The following SNAP25 variants were observed in gnomAD, a reference collection of about 807,000 sequenced individuals.
The protein encoded by SNAP25 is synaptosomal-associated protein 25.
A neutral mutation model predicts 28.7 loss-of-function variants in SNAP25; 3 were observed. The ratio of observed to expected loss-of-function variants is 0.10; its 90% confidence interval spans 0.05 to 0.27. SNAP25 has a LOEUF of 0.27. Ranked by LOEUF, SNAP25 falls within the 10% of genes least tolerant of loss-of-function variation. SNAP25 has a pLI of 1.00. For synonymous variants in SNAP25, 61 were observed against 88.1 expected (o/e 0.69, Z 1.72); for missense variants, 117 against 278.7 (o/e 0.42, Z 4.13).
chr20:10,268,668 C>T (rs1474154289), intron 1 of SNAP25, among the ~76,000 whole-genome samples: 2 of 152,152 alleles, frequency 1.3e-5, no homozygotes, highest in East Asian at 3.8e-4. Flanking sequence ...CCTAAGGCAC[C>T]TAACTAAGTA....
intron 1 of SNAP25, among the ~76,000 whole-genome samples, chr20:10,234,817 C>T (rs1211020344): frequency 6.6e-6 from 1 of 152,176 alleles, no homozygotes; most frequent in Non-Finnish European, 1.5e-5. Flanking sequence ...ATGGATCCCA[C>T]TGGCAGTATG....
intron 3 of SNAP25, among the ~76,000 whole-genome samples, chr20:10,279,402 T>C (rs1326969026): frequency 6.6e-6 from 1 of 152,212 alleles, no homozygotes; most frequent in Non-Finnish European, 1.5e-5. Flanking sequence ...CTTTTTTTGG[T>C]TACGTGTGTG....
intron 1 of SNAP25, among the ~76,000 whole-genome samples, chr20:10,260,333 G>A (rs1051880039): frequency 6.6e-6 from 1 of 152,112 alleles, no homozygotes; most frequent in Admixed American, 6.5e-5. Context: ...TGGAAAACTT[G>A]TTCTATAAAC....
At chr20:10,279,524 G>A (rs117766191) in intron 3 of SNAP25, among the ~76,000 whole-genome samples, 3 of 152,266 alleles carry the variant, frequency 2.0e-5, no homozygotes, top group Non-Finnish European at 4.4e-5. Flanking sequence ...GAATCAGAAC[G>A]CACACCTTGA....
At chr20:10,274,636 G>T (rs1032665769) in intron 1 of SNAP25, among the ~76,000 whole-genome samples, 5 of 152,198 alleles carry the variant, frequency 3.3e-5, no homozygotes, top group African/African-American at 1.2e-4. Context: ...AAGGTCAGGA[G>T]ATCGAGACCA....
At chr20:10,222,347 A>C (rs1380126005) in intron 1 of SNAP25, among the ~76,000 whole-genome samples, 6 of 152,260 alleles carry the variant, frequency 3.9e-5, no homozygotes, top group African/African-American at 1.4e-4. Flanking sequence ...GCGATATCGC[A>C]GTGGACTGGA....
intron 1 of SNAP25, among the ~76,000 whole-genome samples, chr20:10,257,002 G>A (rs1177517791): frequency 2.6e-5 from 4 of 152,126 alleles, no homozygotes; most frequent in Non-Finnish European, 5.9e-5. Context: ...CATGTATATT[G>A]ATTCTAAATA....
chr20:10,262,518 C>T (rs1396964334), intron 1 of SNAP25, among the ~76,000 whole-genome samples: 1 of 152,094 alleles, frequency 6.6e-6, no homozygotes, highest in Non-Finnish European at 1.5e-5. Context: ...TTCTTTTTCC[C>T]CTCTTTTCCT....
In SNAP25 at chr20:10,266,357, A is replaced by AT. The variant is rs1039319477; in HGVS notation, c.-63-9067dup. Among the ~76,000 whole-genome samples, 27 of 152,294 alleles carry AT rather than the reference A, an allele frequency of 1.8e-4. No homozygotes were observed. The Middle Eastern group carries it at 0.014, about 77-fold the overall frequency. ...CAGTGAAAATAATAGCACCAAACCC[A>AT]TTTTTGATCATATTCCCATGCCATT... On this transcript the variant is annotated intron_variant, in intron 1 of 7. Coordinates refer to ENST00000254976, the MANE Select transcript of SNAP25 (RefSeq NM_130811.4).
intron 1 of SNAP25, among the ~76,000 whole-genome samples, chr20:10,245,688 TTA>T (rs1568585116): frequency 7.5e-6 from 1 of 133,890 alleles, no homozygotes; most frequent in African/African-American, 3.1e-5. Context: ...TATCTTCATC[TTA>T]TACACACACA....
intron 6 of SNAP25, 44 bp from the exon 7 acceptor site, chr20:10,299,224 G>A: frequency 6.2e-7 from 1 of 1,604,624 alleles, no homozygotes; most frequent in African/African-American, 1.3e-5. Context: ...TATTCAATAT[G>A]TTTTCCACCC....
At chr20:10,249,267 G>T (rs1187075867) in intron 1 of SNAP25, among the ~76,000 whole-genome samples, 1 of 152,204 alleles carries the variant, frequency 6.6e-6, no homozygotes, top group Non-Finnish European at 1.5e-5. Context: ...TTGGCAAGGA[G>T]CCCTAGCTGG....
intron 1 of SNAP25, among the ~76,000 whole-genome samples, chr20:10,235,844 G>A (rs568869682): frequency 9.2e-5 from 14 of 152,266 alleles, no homozygotes; most frequent in African/African-American, 3.4e-4. Context: ...ATACAGACAT[G>A]GTGGGAGTTA....
chr20:10,242,030 T>C (rs940069308), intron 1 of SNAP25, among the ~76,000 whole-genome samples: 5 of 152,184 alleles, frequency 3.3e-5, no homozygotes, highest in African/African-American at 1.2e-4. Flanking sequence ...GGATCCCTAC[T>C]GGACAGTAAT....
chr20:10,238,948 C>G (rs1441707721), intron 1 of SNAP25, among the ~76,000 whole-genome samples: 1 of 138,862 alleles, frequency 7.2e-6, no homozygotes, highest in Non-Finnish European at 1.5e-5. Context: ...AGCATCAATG[C>G]TGGCACCATC....
intron 3 of SNAP25, among the ~76,000 whole-genome samples, chr20:10,278,773 C>T (rs1448642432): frequency 6.6e-6 from 1 of 152,080 alleles, no homozygotes; most frequent in African/African-American, 2.4e-5. Context: ...GCAGCCGCCT[C>T]TCACACTCTA....
intron 4 of SNAP25, among the ~76,000 whole-genome samples, chr20:10,289,941 C>A (rs2063962718): frequency 6.6e-6 from 1 of 151,604 alleles, no homozygotes; most frequent in Admixed American, 6.6e-5. Context: ...AAAAGAAAGC[C>A]CAAGCTCTGG....
At chr20:10,273,375 A>G (rs2063632322) in intron 1 of SNAP25, among the ~76,000 whole-genome samples, 1 of 152,224 alleles carries the variant, frequency 6.6e-6, no homozygotes, top group African/African-American at 2.4e-5. Flanking sequence ...GACATTTACT[A>G]GTTAGTGTAA....
intron 1 of SNAP25, among the ~76,000 whole-genome samples, chr20:10,272,132 C>A (rs1302172288): frequency 6.6e-6 from 1 of 152,182 alleles, no homozygotes; most frequent in Non-Finnish European, 1.5e-5. Flanking sequence ...TTAACAAATA[C>A]CGGGTTTGTT....
Sources: gnomAD v4.1 joint callset for allele counts (sites outside exome capture counted in the v4.1 genomes callset) on GRCh38, gnomAD v4.1.1 for gene constraint, MANE v1.5 for transcripts, NCBI Gene and HGNC (gene_info 2026-07-23, HGNC 2026-07-21) for gene names.